Variants in LIMA1 observed in about 807,000 individuals in gnomAD.
LIMA1 encodes LIM domain and actin binding 1, also known as LIM domain and actin-binding protein 1.
LIMA1 carries 52 observed loss-of-function variants against 62.6 expected under a neutral mutation model. The ratio of observed to expected loss-of-function variants is 0.83; its 90% confidence interval spans 0.67 to 1.05. The LOEUF is 1.05. Among genes scored for constraint, LIMA1 ranks in the 50% least tolerant of loss-of-function variants. The pLI, the probability that LIMA1 is intolerant of heterozygous loss-of-function variation, is 0.00. For missense variants in LIMA1, 780 were observed against 902.2 expected, an observed-to-expected ratio of 0.86 and a Z score of 1.74; for synonymous variants, 302 against 317.8, an observed-to-expected ratio of 0.95 and a Z score of 0.53.
At chr12:50,250,563 CAAAAAAAAAA>C (rs754126420) in intron 1 of LIMA1, among the ~76,000 whole-genome samples, 1 of 33,896 alleles carries the variant, frequency 3.0e-5, no homozygotes, top group Admixed American at 2.8e-4. Flanking sequence ...AAGATGTTCT[CAAAAAAAAAA>C]AAAAAAAAAA....
chr12:50,181,307 G>A (rs1434429412), intron 10 of LIMA1, among the ~76,000 whole-genome samples: 2 of 152,084 alleles, frequency 1.3e-5, no homozygotes, highest in East Asian at 3.9e-4. Flanking sequence ...AGGAAGGATT[G>A]CTCAGAAAGG....
chr12:50,228,667 C>T (rs1307213825), intron 3 of LIMA1, among the ~76,000 whole-genome samples: 1 of 152,188 alleles, frequency 6.6e-6, no homozygotes, highest in Non-Finnish European at 1.5e-5. Flanking sequence ...TTATCCGCAG[C>T]GGGGATCTCT....
chr12:50,192,494 T>C lies in LIMA1; in HGVS notation c.1098A>G (p.Arg366=), dbSNP rs1379741828. 7 of 1,613,968 alleles carry C rather than the reference T, an allele frequency of 4.3e-6. No individual in the cohort carries two copies. Among genetic ancestry groups the C allele is most frequent in the Non-Finnish European group, 5.9e-6 (7 of 1,179,970 alleles). ...VHPKPLSPDS[R]ASSLSESSPP... is the part of the protein sequence containing the mutation. ...GAGAACTTTCAGAAAGACTGGAGGCTCTGGAATCTGGACTTAGTGGCTTGG... is the reference window on the plus strand; with the variant it reads ...GAGAACTTTCAGAAAGACTGGAGGCCCTGGAATCTGGACTTAGTGGCTTGG... Residue 366 remains arginine (R), a synonymous_variant, in exon 9 of 11, where the codon AGA becomes AGG. Coordinates refer to ENST00000341247, the MANE Select transcript of LIMA1 (RefSeq NM_016357.5).
At chr12:50,224,995 T>C (rs1941505170) in intron 3 of LIMA1, among the ~76,000 whole-genome samples, 1 of 149,360 alleles carries the variant, frequency 6.7e-6, no homozygotes. Flanking sequence ...CTCGGCCTCC[T>C]GGATTCAAGC....
chr12:50,235,130 C>T (rs1483989415), intron 2 of LIMA1, among the ~76,000 whole-genome samples: 5 of 151,982 alleles, frequency 3.3e-5, no homozygotes, highest in East Asian at 3.9e-4. Flanking sequence ...TATAGGGTCA[C>T]GCTATGTTGC....
chr12:50,233,785 A>G (rs529142434), intron 2 of LIMA1, among the ~76,000 whole-genome samples: 160 of 152,224 alleles, frequency 1.1e-3, no homozygotes, highest in Non-Finnish European at 1.8e-3. Context: ...TCAGCCTTCC[A>G]AAGTGCTGGG....
intron 9 of LIMA1, among the ~76,000 whole-genome samples, chr12:50,183,820 A>AAC (rs1370347666): frequency 2.0e-5 from 3 of 150,720 alleles, no homozygotes; most frequent in African/African-American, 7.3e-5. Context: ...CAAAAAAAAA[A>AAC]AAAAAAAAAA....
At position 50,176,755 on chromosome 12, in the gene LIMA1, T is replaced by G; in HGVS notation, c.*309A>C. 4.0e-6 allele frequency: 1 copy of G among 252,276 alleles called. No individual in the cohort carries two copies. The allele number at this position is 252,276 out of a possible 1,614,324, so 15.6% of individuals were successfully genotyped here. ...TCATCTGTCTACCTTAATATTGCCTTTTGGGAATACAGTAGAATCTGGGCT... is the reference window on the plus strand; with the variant it reads ...TCATCTGTCTACCTTAATATTGCCTGTTGGGAATACAGTAGAATCTGGGCT... On this transcript the variant is annotated 3_prime_UTR_variant, in exon 11 of 11. Coordinates refer to ENST00000341247, the MANE Select transcript of LIMA1 (RefSeq NM_016357.5).
intron 2 of LIMA1, 105 bp from the exon 3 acceptor site, chr12:50,231,815 T>C: frequency 9.4e-7 from 1 of 1,059,566 alleles, no homozygotes. Context: ...TTGCCCAGGC[T>C]GCAGTGCAGT....
intron 2 of LIMA1, among the ~76,000 whole-genome samples, chr12:50,245,553 A>T (rs1335548948): frequency 6.6e-6 from 1 of 151,712 alleles, no homozygotes; most frequent in Non-Finnish European, 1.5e-5. Context: ...ATTTAGACAC[A>T]TGTGTTAGAA....
chr12:50,204,318 G>GT, intron 6 of LIMA1: 1 of 414,208 alleles, frequency 2.4e-6, no homozygotes, highest in Non-Finnish European at 4.3e-6. Flanking sequence ...ATACTCACTG[G>GT]TAACATCACA....
At chr12:50,197,602 G>T (rs1279907291) in intron 7 of LIMA1, among the ~76,000 whole-genome samples, 1 of 152,026 alleles carries the variant, frequency 6.6e-6, no homozygotes, top group Non-Finnish European at 1.5e-5. Flanking sequence ...GTCCTTTTAG[G>T]CTATAATTAA....
chr12:50,247,072 G>A (rs1196977830), intron 2 of LIMA1, among the ~76,000 whole-genome samples: 1 of 152,056 alleles, frequency 6.6e-6, no homozygotes, highest in East Asian at 1.9e-4. Flanking sequence ...GGAGTTTGAG[G>A]CTGCACTGAG....
At chr12:50,262,163 A>G (rs1291264166) in intron 1 of LIMA1, among the ~76,000 whole-genome samples, 1 of 152,182 alleles carries the variant, frequency 6.6e-6, no homozygotes, top group Non-Finnish European at 1.5e-5. Context: ...TACTGAGATA[A>G]TTTAGGTGTT....
chr12:50,219,653 G>A (rs1279355677), intron 4 of LIMA1: 6 of 152,172 alleles, frequency 3.9e-5, no homozygotes, highest in Non-Finnish European at 5.9e-5. Flanking sequence ...AAAAAGCAAT[G>A]AAACCTAGAA....
intron 9 of LIMA1, among the ~76,000 whole-genome samples, chr12:50,183,359 T>C (rs1208063113): frequency 6.6e-6 from 1 of 152,098 alleles, no homozygotes; most frequent in Non-Finnish European, 1.5e-5. Flanking sequence ...CAGGAAGCTC[T>C]CATCAGCAAT....
intron 2 of LIMA1, among the ~76,000 whole-genome samples, chr12:50,241,933 ATTTTTTTTTTTTTTTTTTTTTTTTT>A (rs577308413): frequency 8.2e-5 from 3 of 36,406 alleles, no homozygotes; most frequent in South Asian, 1.4e-3. Flanking sequence ...TCCTTCCCAG[ATTTTTTTTTTTTTTTTTTTTTTTTT>A]TTTTTTTTTT....
chr12:50,268,114 C>G (rs1337918278), intron 1 of LIMA1, among the ~76,000 whole-genome samples: 1 of 152,018 alleles, frequency 6.6e-6, no homozygotes, highest in African/African-American at 2.4e-5. Flanking sequence ...GATTCTTATC[C>G]AGATCTCATT....
At chr12:50,209,724 G>T (rs1342776251) in intron 4 of LIMA1, among the ~76,000 whole-genome samples, 1 of 151,992 alleles carries the variant, frequency 6.6e-6, no homozygotes, top group African/African-American at 2.4e-5. Flanking sequence ...GGAATACAGT[G>T]GTGTGATCTC....
Sources: allele counts gnomAD v4.1 joint callset (sites outside exome capture counted in the v4.1 genomes callset), GRCh38; gene constraint gnomAD v4.1.1; transcripts MANE v1.5; gene names NCBI Gene and HGNC (gene_info 2026-07-23, HGNC 2026-07-21).